Variants in KCNC1 observed in about 807,000 individuals in gnomAD.
KCNC1 encodes potassium voltage-gated channel subfamily C member 1.
In KCNC1, 8 loss-of-function variants were observed where a neutral mutation model predicts 43.4. The ratio of observed to expected loss-of-function variants is 0.18; its 90% CI spans 0.11 to 0.33. The LOEUF (loss-of-function observed/expected upper bound fraction) is 0.33. KCNC1 is among the 10% of genes least tolerant of loss of function. The pLI is 1.00. For missense variants in KCNC1, 420 were observed against 836.0 expected, an observed-to-expected ratio of 0.50 and a Z score of 6.14; for synonymous variants, 361 against 360.5, an observed-to-expected ratio of 1.00 and a Z score of -0.01.
intron 1 of KCNC1, among the ~76,000 whole-genome samples, chr11:17,763,733 CAT>C (rs1423281564): frequency 1.5e-5 from 2 of 132,252 alleles, no homozygotes; most frequent in African/African-American, 5.7e-5. Flanking sequence ...CCTCCCCACA[CAT>C]GTTCATATAC....
At chr11:17,775,803 T>C (rs984895261) in intron 2 of KCNC1, 28 of 985,568 alleles carry the variant, frequency 2.8e-5, no homozygotes, top group Middle Eastern at 5.1e-4. Flanking sequence ...GCTCCCTTCC[T>C]GCCCATGGCA....
chr11:17,759,219 A>C, intron 1 of KCNC1, among the ~76,000 whole-genome samples: 1 of 152,190 alleles, frequency 6.6e-6, no homozygotes, highest in Non-Finnish European at 1.5e-5. Context: ...GCTAGCTTTA[A>C]ACTTTTCTTC....
At chr11:17,768,119 G>A (rs994847699) in intron 1 of KCNC1, among the ~76,000 whole-genome samples, 5 of 152,112 alleles carry the variant, frequency 3.3e-5, no homozygotes, top group Non-Finnish European at 7.4e-5. Flanking sequence ...AGATGGGCTT[G>A]CTGCCTCCCT....
intron 1 of KCNC1, among the ~76,000 whole-genome samples, chr11:17,753,830 C>T (rs915063421): frequency 2.0e-5 from 3 of 152,150 alleles, no homozygotes; most frequent in East Asian, 1.9e-4. Flanking sequence ...ATTCCAATTC[C>T]GATGCCCAGA....
intron 1 of KCNC1, among the ~76,000 whole-genome samples, chr11:17,744,320 C>T (rs1848874674): frequency 6.6e-6 from 1 of 152,202 alleles, no homozygotes; most frequent in South Asian, 2.1e-4. Flanking sequence ...CAGCCCAGCT[C>T]CTCCCCAGGG....
chr11:17,743,718 C>G (rs532492252), intron 1 of KCNC1, among the ~76,000 whole-genome samples: 1 of 152,226 alleles, frequency 6.6e-6, no homozygotes, highest in African/African-American at 2.4e-5. Context: ...TCCTGCGGCT[C>G]CCTTCCGCCA....
In KCNC1 at chr11:17,779,724, A is replaced by G; in HGVS notation, c.1693+80A>G. The G allele has an allele frequency of 1.6e-6, 2 of 1,220,440 alleles. No individual in the cohort carries two copies. Among genetic ancestry groups the G allele is most frequent in the Non-Finnish European group, 2.2e-6 (2 of 920,548 alleles). The allele number at this position is 1,220,440 out of a possible 1,614,324, so 75.6% of individuals were successfully genotyped here. The stretch of plus-strand genomic sequence containing the variant: ...CAGATGGGTGGGCAGGGCGGCGGGC[A>G]AGGGCGCTGAGGGGCAGGCAGGCAC... On this transcript the variant is annotated intron_variant, in intron 3 of 3. Coordinates refer to ENST00000265969, the MANE Select transcript of KCNC1 (RefSeq NM_001112741.2). The surrounding 1 kb of genome is among the most constrained non-coding windows in gnomAD (Gnocchi z 7.2).
intron 1 of KCNC1, among the ~76,000 whole-genome samples, chr11:17,768,824 G>A (rs1203052026): frequency 6.6e-6 from 1 of 152,242 alleles, no homozygotes; most frequent in African/African-American, 2.4e-5. Flanking sequence ...TGCCCTTAGG[G>A]AGTCTCTGGG....
At chr11:17,778,186 T>C (rs1398635121) in intron 2 of KCNC1, among the ~76,000 whole-genome samples, 1 of 152,308 alleles carries the variant, frequency 6.6e-6, no homozygotes, top group East Asian at 1.9e-4. Context: ...TCAAGAGTGA[T>C]GGGATGGGGG....
chr11:17,761,995 T>G (rs528476723), intron 1 of KCNC1, among the ~76,000 whole-genome samples: 1 of 152,302 alleles, frequency 6.6e-6, no homozygotes, highest in Non-Finnish European at 1.5e-5. Context: ...CTTTCTACCC[T>G]TCCAGGGGCA....
Position 17,771,410 on chromosome 11 carries a change from C to T in KCNC1, c.571-255C>T, listed in dbSNP as rs1424219400. Reference sequence around the variant, plus strand: ...CAGGCTCCTTCCCTCTGTAGTTATACTAGTTATTGGGGCTTCCACATCTAG... The same window carrying T: ...CAGGCTCCTTCCCTCTGTAGTTATATTAGTTATTGGGGCTTCCACATCTAG... On this transcript the variant is annotated intron_variant, in intron 1 of 3. Coordinates refer to ENST00000265969, the MANE Select transcript of KCNC1 (RefSeq NM_001112741.2). The surrounding 1 kb of genome is among the most constrained non-coding windows in gnomAD (Gnocchi z 4.7). Among the ~76,000 whole-genome samples the T allele has an allele frequency of 3.3e-5, 5 of 152,198 alleles. No individual in the cohort carries two copies. The highest frequency in any genetic ancestry group is 6.5e-5 in the Admixed American group (1 of 15,282).
intron 1 of KCNC1, among the ~76,000 whole-genome samples, chr11:17,751,448 G>T (rs532821979): frequency 1.3e-5 from 2 of 152,204 alleles, no homozygotes; most frequent in African/African-American, 4.8e-5. Flanking sequence ...TTCTCCTTGC[G>T]TGCCTTCAAA....
At chr11:17,765,282 G>A (rs551634141) in intron 1 of KCNC1, among the ~76,000 whole-genome samples, 3 of 152,274 alleles carry the variant, frequency 2.0e-5, no homozygotes, top group East Asian at 3.9e-4. Flanking sequence ...TCCCCAAGGC[G>A]AACCCCCGAA....
intron 1 of KCNC1, among the ~76,000 whole-genome samples, chr11:17,747,029 G>A (rs1848907278): frequency 6.6e-6 from 1 of 152,176 alleles, no homozygotes; most frequent in Admixed American, 6.5e-5. Context: ...TCTCGGCCCT[G>A]CGAGATTCAA....
Position 17,736,160 on chromosome 11 carries a change from A to C in KCNC1, c.158A>C (p.Asp53Ala). The change falls in exon 1 of 4, where the codon GAC becomes GCC. Residue 53 changes from aspartate to alanine, a missense_variant. By Grantham distance (126) the Asp-to-Ala change is moderately radical. Coordinates refer to ENST00000265969, the MANE Select transcript of KCNC1 (RefSeq NM_001112741.2). The surrounding 1 kb of genome is among the most constrained non-coding windows in gnomAD (Gnocchi z 9.3). ...HSHFDYDPRA[D>A]EFFFDRHPGV... ...CACTTCGACTATGACCCGCGTGCTG[A>C]CGAGTTCTTCTTCGACCGCCACCCC... 6.2e-7 allele frequency: 1 copy of C among 1,613,454 alleles called. No homozygotes were observed. The highest frequency in any genetic ancestry group is 8.5e-7 in the Non-Finnish European group (1 of 1,179,766).
Position 17,736,135 on chromosome 11 carries a change from C to T in KCNC1, c.133C>T (p.His45Tyr), listed in dbSNP as rs1470613305. 1 of 1,612,834 alleles carries T rather than the reference C, an allele frequency of 6.2e-7. No individual in the cohort carries two copies. The highest frequency in any genetic ancestry group is 8.5e-7 in the Non-Finnish European group (1 of 1,179,516). The change falls in exon 1 of 4, where the codon CAC (histidine) becomes TAC (tyrosine). Residue 45 changes from histidine to tyrosine, a missense_variant. By Grantham distance (83) the His-to-Tyr change is moderately conservative. Around this residue, in one of 5 missense-constraint regions of KCNC1, gnomAD observed 42 missense variants for 81.5 expected, o/e 0.52. Transcript: ENST00000265969. The surrounding 1 kb of genome is among the most constrained non-coding windows in gnomAD (Gnocchi z 9.3). ...AWLAEPDAHS[H>Y]FDYDPRADEF... Reference sequence around the variant, plus strand: ...GCTGGCGGAGCCCGACGCCCACAGCCACTTCGACTATGACCCGCGTGCTGA... The same window carrying T: ...GCTGGCGGAGCCCGACGCCCACAGCTACTTCGACTATGACCCGCGTGCTGA...
Position 17,781,546 on chromosome 11 carries a change from G to T in KCNC1, c.1694-124G>T. 1.4e-6 allele frequency: 1 copy of T among 700,840 alleles called. No homozygotes were observed. The highest frequency in any genetic ancestry group is 2.7e-5 in the East Asian group (1 of 36,516). 43.4% of individuals were successfully genotyped at this position (700,840 alleles called of 1,614,324 possible). ...TGGGCAAACCAAGCCAGCTGGAGAA[G>T]AATCTGCCTGCCTCTGCATGCGGCT... On this transcript the variant is annotated intron_variant, in intron 3 of 3. Coordinates refer to ENST00000265969, the MANE Select transcript of KCNC1 (RefSeq NM_001112741.2). The surrounding 1 kb of genome is among the most constrained non-coding windows in gnomAD (Gnocchi z 5.1).
chr11:17,773,459 C>G lies in KCNC1; in HGVS notation c.1504+861C>G. On this transcript the variant is annotated intron_variant, in intron 2 of 3. Transcript: ENST00000265969. The surrounding 1 kb of genome is among the most constrained non-coding windows in gnomAD (Gnocchi z 4.1). ...AAGCGCTACAGACCAGCAACAGCCT[C>G]CCACCGAGGGTTCTCCCCGTTTCCA... The G allele has an allele frequency of 3.0e-6, 3 of 984,954 alleles. No individual in the cohort carries two copies. The highest frequency in any genetic ancestry group is 3.6e-6 in the Non-Finnish European group (3 of 829,876). 61.0% of individuals were successfully genotyped at this position (984,954 alleles called of 1,614,324 possible).
chr11:17,750,189 A>G (rs1848950643), intron 1 of KCNC1, among the ~76,000 whole-genome samples: 1 of 152,222 alleles, frequency 6.6e-6, no homozygotes, highest in East Asian at 1.9e-4. Flanking sequence ...CAAAGCCCCC[A>G]GCACCGTGGC....
Sources: gnomAD v4.1 joint callset for allele counts (sites outside exome capture counted in the v4.1 genomes callset) on GRCh38, gnomAD v4.1.1 for gene constraint, gnomAD v4.1.1 regional missense constraint, Gnocchi (gnomAD v3.1) non-coding constraint, MANE v1.5 for transcripts, NCBI Gene and HGNC (gene_info 2026-07-23, HGNC 2026-07-21) for gene names.